Variants in DORIP1 observed in about 807,000 individuals in gnomAD.
DORIP1 encodes dopamine receptor interacting protein 1, also known as dopamine receptor-interacting protein 1.
the DORIP1 span, among the ~76,000 whole-genome samples, chr14:44,902,979 A>G: frequency 6.6e-6 from 1 of 152,128 alleles, no homozygotes; most frequent in Non-Finnish European, 1.5e-5. Flanking sequence ...CAGCAACTGG[A>G]TATATCAGGA....
At chr14:44,900,541 A>G in the DORIP1 span, 1 of 1,607,034 alleles carries the variant, frequency 6.2e-7, no homozygotes, top group Non-Finnish European at 8.5e-7. Flanking sequence ...TTTTACTATC[A>G]AAGCTGGCCG....
At chr14:44,900,661 T>C in the DORIP1 span, 1 of 1,608,794 alleles carries the variant, frequency 6.2e-7, no homozygotes, top group South Asian at 1.1e-5. Flanking sequence ...AAATGAAAAC[T>C]TCCCTAGGGA....
At chr14:44,906,579 T>TA in the DORIP1 span, 4 of 152,618 alleles carry the variant, frequency 2.6e-5, no homozygotes, top group African/African-American at 9.6e-5. Context: ...ATCAGAACAT[T>TA]ACGTTTCTTT....
chr14:44,902,369 C>G, the DORIP1 span, among the ~76,000 whole-genome samples: 1 of 152,022 alleles, frequency 6.6e-6, no homozygotes. Flanking sequence ...ACTCCATCTC[C>G]CAGGCTGAAG....
At chr14:44,897,782 G>A in the DORIP1 span, among the ~76,000 whole-genome samples, 17 of 152,196 alleles carry the variant, frequency 1.1e-4, no homozygotes, top group Non-Finnish European at 1.9e-4. Context: ...CCAGGGCCAG[G>A]GTGGGCGTGG....
At chr14:44,907,202 C>T in the DORIP1 span, 1 of 152,744 alleles carries the variant, frequency 6.5e-6, no homozygotes, top group East Asian at 1.9e-4. Flanking sequence ...TTGTTAAAAT[C>T]TTGACTACCT....
chr14:44,898,629 G>T, the DORIP1 span, among the ~76,000 whole-genome samples: 29 of 152,010 alleles, frequency 1.9e-4, no homozygotes, highest in African/African-American at 6.5e-4. Flanking sequence ...TAAACAAAAC[G>T]AATCAGTATC....
At chr14:44,900,988 CTT>C in the DORIP1 span, 7 of 1,531,644 alleles carry the variant, frequency 4.6e-6, no homozygotes, top group Non-Finnish European at 6.1e-6. Context: ...TGTTTTGTCA[CTT>C]TTACTTTTTT....
At chr14:44,901,804 C>G in the DORIP1 span, among the ~76,000 whole-genome samples, 1 of 152,106 alleles carries the variant, frequency 6.6e-6, no homozygotes, top group African/African-American at 2.4e-5. Context: ...TTTATTTTGA[C>G]TAGGAAAGGT....
At chr14:44,900,975 G>GT in the DORIP1 span, 4 of 1,542,010 alleles carry the variant, frequency 2.6e-6, no homozygotes, top group Admixed American at 6.5e-5. Context: ...TTGGTCTAAC[G>GT]TCTGTTTTGT....
At chr14:44,903,724 T>C in the DORIP1 span, 5 of 963,834 alleles carry the variant, frequency 5.2e-6, no homozygotes, top group Non-Finnish European at 6.2e-6. Context: ...TGAGAATTAA[T>C]ATTTAGAAGG....
chr14:44,904,623 G>T, the DORIP1 span: 2 of 1,211,106 alleles, frequency 1.7e-6, no homozygotes, highest in Non-Finnish European at 2.2e-6. Flanking sequence ...AGATATTGTT[G>T]AAAACAATCA....
At chr14:44,901,958 G>C in the DORIP1 span, among the ~76,000 whole-genome samples, 2 of 152,152 alleles carry the variant, frequency 1.3e-5, no homozygotes, top group Admixed American at 1.3e-4. Context: ...AGCTGGAAAG[G>C]GGATAATTGC....
the DORIP1 span, among the ~76,000 whole-genome samples, chr14:44,898,294 C>G: frequency 6.6e-6 from 1 of 152,086 alleles, no homozygotes. Context: ...CTAGTATCCT[C>G]TAGTTCTTCC....
chr14:44,901,603 A>C, the DORIP1 span, among the ~76,000 whole-genome samples: 1 of 152,234 alleles, frequency 6.6e-6, no homozygotes, highest in Non-Finnish European at 1.5e-5. Context: ...TTAGTGTCAC[A>C]AATGTAACCT....
the DORIP1 span, chr14:44,906,573 G>C: frequency 1.3e-4 from 20 of 152,636 alleles, no homozygotes; most frequent in Middle Eastern, 3.4e-3. Context: ...ATAGTTATCA[G>C]AACATTACGT....
chr14:44,903,525 A>T, the DORIP1 span: 1 of 1,115,508 alleles, frequency 9.0e-7, no homozygotes, highest in Non-Finnish European at 1.1e-6. Flanking sequence ...CTGAGTAGGT[A>T]CAATAAAACC....
At chr14:44,899,592 T>C in the DORIP1 span, among the ~76,000 whole-genome samples, 1 of 152,092 alleles carries the variant, frequency 6.6e-6, no homozygotes. Context: ...TTACATAGTT[T>C]TTCTCTACAA....
chr14:44,900,013 TAG>T, the DORIP1 span, among the ~76,000 whole-genome samples: 6 of 152,080 alleles, frequency 3.9e-5, no homozygotes, highest in African/African-American at 1.2e-4. Flanking sequence ...GTATTTTTAA[TAG>T]AGAGAGGGTT....
Sources: allele counts gnomAD v4.1 joint callset (sites outside exome capture counted in the v4.1 genomes callset), GRCh38; gene constraint gnomAD v4.1.1; transcripts MANE v1.5; gene names NCBI Gene and HGNC (gene_info 2026-07-23, HGNC 2026-07-21).